PIEZO1: variants seen among roughly 807,000 people sequenced by gnomAD.
PIEZO1 encodes piezo type mechanosensitive ion channel component 1 (Er blood group), also known as piezo-type mechanosensitive ion channel component 1.
Under a neutral mutation model 297.2 loss-of-function variants are expected in PIEZO1, and 296 were observed. The ratio of observed to expected loss-of-function variants is 1.00; its 90% CI spans 0.91 to 1.10. PIEZO1 has a LOEUF of 1.10. PIEZO1 is among the 50% of genes least tolerant of loss of function. The pLI is 0.00. For missense variants in PIEZO1, 5,018 were observed against 3,455.5 expected, an observed-to-expected ratio of 1.45 and a Z score of -11.34; for synonymous variants, 2,427 against 1,507.5, an observed-to-expected ratio of 1.61 and a Z score of -14.13.
intron 1 of PIEZO1, among the ~76,000 whole-genome samples, chr16:88,754,889 G>A (rs537714012): frequency 2.3e-3 from 358 of 152,372 alleles, no homozygotes; most frequent in African/African-American, 8.1e-3. Context: ...GGCATCGTGT[G>A]AACGAACGCC....
At position 88,733,369 on chromosome 16, in the gene PIEZO1, G is replaced by A; in HGVS notation, c.2573C>T (p.Ser858Phe). Residue 858 changes from serine (S) to phenylalanine (F), a missense_variant, in exon 19 of 51, where the codon TCC becomes TTC. Physicochemically the swap from Ser to Phe is radical, Grantham distance 155. Transcript: ENST00000301015. ...GATGATGACGCAGGTCCACACGGTG[G>A]ACAGGCAGGAGGCCATGGGCCGGAA... Reference protein sequence around the residue: ...PRFRPMASCLSTVWTCVIIVC... With the variant: ...PRFRPMASCLFTVWTCVIIVC... The A allele has an allele frequency of 1.3e-6, 2 of 1,550,192 alleles. No homozygotes were observed. Among genetic ancestry groups the A allele is most frequent in the Non-Finnish European group, 1.7e-6 (2 of 1,146,818 alleles).
chr16:88,731,905 G>T lies in PIEZO1; in HGVS notation c.2997C>A (p.Cys999Ter). The part of the protein sequence containing the change: ...FFFYKFGLEI[C>*]FLMAVNVIGQ... Reference sequence around the variant, plus strand: ...CGATCACGTTCACGGCCATCAGGAAGCAGATCTGGGGAGGGGAGAGGGCGG... The same window carrying T: ...CGATCACGTTCACGGCCATCAGGAATCAGATCTGGGGAGGGGAGAGGGCGG... Residue 999 changes from cysteine to a stop codon, truncating the protein, a stop_gained, in exon 22 of 51, where the codon TGC (cysteine) becomes TGA (stop). Transcript: ENST00000301015. LOFTEE classifies it high-confidence loss of function. 2 of 1,073,634 alleles carry T rather than the reference G, an allele frequency of 1.9e-6. No individual in the cohort carries two copies. Among genetic ancestry groups the T allele is most frequent in the Non-Finnish European group, 1.2e-6 (1 of 840,198 alleles). The allele number at this position is 1,073,634 out of a possible 1,614,324, so 66.5% of individuals were successfully genotyped here.
intron 41 of PIEZO1, 28 bp downstream of exon 41, chr16:88,720,357 C>A: frequency 6.5e-7 from 1 of 1,550,290 alleles, no homozygotes; most frequent in Non-Finnish European, 8.7e-7. Flanking sequence ...TCTGCGTACA[C>A]TGGGTTTGGG....
Position 88,749,451 on chromosome 16 carries a change from C to T in PIEZO1, c.93G>A (p.Ser31=), listed in dbSNP as rs993913208. 1.5e-5 allele frequency: 23 copies of T among 1,523,652 alleles called. No homozygotes were observed. Among genetic ancestry groups the T allele is most frequent in the Middle Eastern group, 1.8e-4 (1 of 5,640 alleles). 94.4% of individuals were successfully genotyped at this position (1,523,652 alleles called of 1,614,324 possible). A position where few individuals can be genotyped will look rare whatever the true frequency, so the allele number is the denominator to read the frequency against. Residue 31 remains serine, a synonymous_variant, in exon 2 of 51, where the codon TCG becomes TCA. Coordinates refer to ENST00000301015, the MANE Select transcript of PIEZO1 (RefSeq NM_001142864.4). ...GCAGCAGGAAGAGCAGGTAGACCAG[C>T]GAGAGTCCGCTGAAGCGGAGCAGGC... ...AACLLRFSGL[S]LVYLLFLLLL... is the part of the protein sequence containing the mutation.
chr16:88,725,865 C>T (rs1265596216), intron 27 of PIEZO1, 181 bp from the exon 28 acceptor site: 3 of 603,944 alleles, frequency 5.0e-6, no homozygotes, highest in Admixed American at 3.0e-5. Context: ...GCGGCGAGGA[C>T]AGGCCCTTCT....
In PIEZO1 at chr16:88,742,084, C is replaced by G. The variant is rs1015238919; in HGVS notation, c.295G>C (p.Glu99Gln). 2 of 1,535,890 alleles carry G rather than the reference C, an allele frequency of 1.3e-6. No individual in the cohort carries two copies. The highest frequency in any genetic ancestry group is 2.7e-5 in the African/African-American group (2 of 72,986). Residue 99 changes from glutamate (E) to glutamine (Q), a missense_variant, in exon 4 of 51, where the codon GAG becomes CAG. Coordinates refer to ENST00000301015, the MANE Select transcript of PIEZO1 (RefSeq NM_001142864.4). ...QLLGPSCSRW[E>Q]TLSRHIGVTR... ...ACCCCTATGTGTCGCGAGAGGGTCT[C>G]CCAGCGGCTGCCTGCAGAGAAAGAC...
At chr16:88,780,376 G>C (rs755940760) in intron 1 of PIEZO1, among the ~76,000 whole-genome samples, 29 of 147,276 alleles carry the variant, frequency 2.0e-4, no homozygotes, top group Non-Finnish European at 4.0e-4. Flanking sequence ...CAGATACAGA[G>C]GATGTGGGTG....
In PIEZO1 at chr16:88,738,959, G is replaced by T. The variant is rs183840440; in HGVS notation, c.466-223C>A. The T allele has an allele frequency of 1.2e-3, 696 of 585,496 alleles. 2 individuals are homozygous for T. The African/African-American group carries it at 0.012, about 10-fold the overall frequency. 36.3% of individuals were successfully genotyped at this position (585,496 alleles called of 1,614,324 possible). On this transcript the variant is annotated intron_variant, in intron 5 of 50. Coordinates refer to ENST00000301015, the MANE Select transcript of PIEZO1 (RefSeq NM_001142864.4). ...GCTCACAGTTCCTGCAGGCCTTCCT[G>T]GTAGCAGCTCCCACCCTGGCCGAAG...
At chr16:88,716,993 G>T (rs1441879965) in intron 45 of PIEZO1, 30 bp downstream of exon 45, 6 of 1,548,550 alleles carry the variant, frequency 3.9e-6, no homozygotes, top group South Asian at 1.2e-5. Context: ...CAGGGGATGG[G>T]AATGGACAGG....
chr16:88,725,567 G>T (rs374634643), intron 28 of PIEZO1, 28 bp downstream of exon 28: 2 of 1,532,400 alleles, frequency 1.3e-6, no homozygotes, highest in African/African-American at 1.4e-5. Flanking sequence ...GGGAGGAGCC[G>T]GGGAGTCCCC....
chr16:88,725,720 C>T (rs1228036509), intron 27 of PIEZO1, 36 bp from the exon 28 acceptor site: 1 of 1,106,388 alleles, frequency 9.0e-7, no homozygotes, highest in Non-Finnish European at 1.3e-6. Context: ...GAGCACCAGG[C>T]ACTCGACCCC....
At chr16:88,720,965 C>T (rs939741380) in intron 39 of PIEZO1, among the ~76,000 whole-genome samples, 1 of 152,166 alleles carries the variant, frequency 6.6e-6, no homozygotes, top group African/African-American at 2.4e-5. Context: ...TCACCCTACA[C>T]GTGGGGAGCA....
rs190247547 is a variant in PIEZO1, at chr16:88,748,963, C to T, written c.160+421G>A. ...AAAAAAAAAAAAAAAAAAAGCCGGG[C>T]GCGGTGGCTCACGTCTGTAATCCCA... On this transcript the variant is annotated intron_variant, in intron 2 of 50. Transcript: ENST00000301015. 3.9e-3 allele frequency among the ~76,000 whole-genome samples: 551 copies of T among 139,954 alleles called. 1 individual carries two copies. Among genetic ancestry groups the T allele is most frequent in the African/African-American group, 0.013 (497 of 37,294 alleles). 91.8% of individuals were successfully genotyped at this position (139,954 alleles called of 152,430 possible).
chr16:88,733,837 C>T (rs1905036473), intron 17 of PIEZO1, 69 bp downstream of exon 17: 4 of 1,461,356 alleles, frequency 2.7e-6, no homozygotes, highest in Non-Finnish European at 2.7e-6. Flanking sequence ...GGGACTCTGC[C>T]AACGCCCCCC....
rs1203399183 is a variant in PIEZO1 at position 88,723,956 on chromosome 16, T to C, written c.4250A>G (p.Asp1417Gly). 2.6e-6 allele frequency: 4 copies of C among 1,547,022 alleles called. 1 individual carries two copies. The highest frequency in any genetic ancestry group is 3.5e-6 in the Non-Finnish European group (4 of 1,143,932). ...ACTGTCGGACTCAAACAGGAAGTAGTCCCCGGAGTGGATGACTGTGGGCAG... is the reference window on the plus strand; with the variant it reads ...ACTGTCGGACTCAAACAGGAAGTAGCCCCCGGAGTGGATGACTGTGGGCAG... Reference protein sequence around the residue: ...LDHATVIHSGDYFLFESDSEE... With the variant: ...LDHATVIHSGGYFLFESDSEE... Residue 1417 changes from aspartate (D) to glycine (G), a missense_variant, in exon 31 of 51, where the codon GAC becomes GGC. Coordinates refer to ENST00000301015, the MANE Select transcript of PIEZO1 (RefSeq NM_001142864.4).
intron 1 of PIEZO1, among the ~76,000 whole-genome samples, chr16:88,750,669 G>A (rs976145370): frequency 1.3e-5 from 2 of 152,242 alleles, no homozygotes; most frequent in Admixed American, 1.3e-4. Context: ...TGCTAGCCAG[G>A]CCTGCTTCCT....
At chr16:88,723,728 C>G (rs1307985306) in intron 31 of PIEZO1, 143 bp downstream of exon 31, 1 of 611,666 alleles carries the variant, frequency 1.6e-6, no homozygotes, top group Admixed American at 2.8e-5. Flanking sequence ...CTTGGGAGGC[C>G]TGGATGGGGC....
intron 1 of PIEZO1, among the ~76,000 whole-genome samples, chr16:88,767,627 C>T (rs1372773637): frequency 6.6e-6 from 1 of 152,176 alleles, no homozygotes. Context: ...CAGGGGGAGC[C>T]CATGTCATCC....
rs1908126050 is a variant in PIEZO1, at chr16:88,785,142, G to A, written c.-178C>T. ...GTGCCGACGTCCCGGGCCCGCGCTC[G>A]CTCAGGCGACCGCCCTGCCCCTCGG... On this transcript the variant is annotated 5_prime_UTR_variant, in exon 1 of 51. Coordinates refer to ENST00000301015, the MANE Select transcript of PIEZO1 (RefSeq NM_001142864.4). 1 of 327,538 alleles carries A rather than the reference G, an allele frequency of 3.1e-6. No individual in the cohort carries two copies. Among genetic ancestry groups the A allele is most frequent in the Non-Finnish European group, 5.2e-6 (1 of 192,258 alleles). The allele number at this position is 327,538 out of a possible 1,614,324, so 20.3% of individuals were successfully genotyped here. A position where few individuals can be genotyped will look rare whatever the true frequency, so the allele number is the denominator to read the frequency against.
Sources: allele counts gnomAD v4.1 joint callset (sites outside exome capture counted in the v4.1 genomes callset), GRCh38; gene constraint gnomAD v4.1.1; transcripts MANE v1.5; gene names NCBI Gene and HGNC (gene_info 2026-07-23, HGNC 2026-07-21).